SETD2: variants seen among roughly 807,000 people sequenced by gnomAD.
SETD2 encodes the protein histone-lysine N-methyltransferase SETD2.
In SETD2, 31 loss-of-function variants were observed where a neutral mutation model predicts 242.1. The ratio of observed to expected loss-of-function variants is 0.13; its 90% CI spans 0.10 to 0.17. The LOEUF (loss-of-function observed/expected upper bound fraction) is 0.17, where lower values mean the gene tolerates loss of function less well. Ranked by LOEUF, SETD2 falls within the 10% of genes least tolerant of loss-of-function variation. The probability of loss-of-function intolerance (pLI) is 1.00; values close to 1 mark genes in which losing one functional copy is unlikely to be tolerated. For synonymous variants in SETD2, 1,006 were observed against 1,066.5 expected (o/e 0.94, Z 1.11); for missense variants, 2,481 against 3,046.3 (o/e 0.81, Z 4.37).
rs2106657890 is a variant in SETD2, at chr3:47,121,686, T to C, written c.2950A>G (p.Arg984Gly). The change falls in exon 3 of 21, where the codon AGA becomes GGA. Residue 984 changes from arginine (R) to glycine (G), a missense_variant. By Grantham distance (125) the Arg-to-Gly change is moderately radical. Transcript: ENST00000409792. ...RGRPEISLDE[R>G]GEGGHVHTSD... The stretch of plus-strand genomic sequence containing the variant: ...GTATGCACATGTCCTCCTTCTCCTC[T>C]TTCATCTAAAGAGATTTCTGGTCTT... 1.2e-6 allele frequency: 2 copies of C among 1,614,128 alleles called. No individual in the cohort carries two copies. Among genetic ancestry groups the C allele is most frequent in the Non-Finnish European group, 1.7e-6 (2 of 1,179,990 alleles).
In SETD2 at chr3:47,031,709, T is replaced by C. The variant is rs183458171; in HGVS notation, c.7350+5957A>G. ...TTACAACACTGTTTTTTCAAATGTG[T>C]AGGTACAAAGAGTATAAATATCCCT... is the stretch of plus-strand genomic sequence containing the variant. On this transcript the variant is annotated intron_variant, in intron 18 of 20. Coordinates refer to ENST00000409792, the MANE Select transcript of SETD2 (RefSeq NM_014159.7). Among the ~76,000 whole-genome samples the C allele has an allele frequency of 1.3e-4, 20 of 152,322 alleles. 1 individual carries two copies. The highest frequency in any genetic ancestry group is 4.3e-4 in the African/African-American group (18 of 41,572).
At chr3:47,067,252 A>AT in intron 12 of SETD2, 134 bp from the exon 13 acceptor site, 1 of 689,884 alleles carries the variant, frequency 1.4e-6, no homozygotes. Context: ...AATTTGACTT[A>AT]TATCTGGGCT....
In SETD2 at chr3:47,101,484, C is replaced by T. The variant is rs148325978; in HGVS notation, c.4989G>A (p.Thr1663=). Reference sequence around the variant, plus strand: ...CATATCTCTGGAACTGATAGTCAAACGTTAACTCTGAGCCTGAAGGAACCA... The same window carrying T: ...CATATCTCTGGAACTGATAGTCAAATGTTAACTCTGAGCCTGAAGGAACCA... The part of the protein sequence containing the change: ...TKLVPSGSEL[T]FDYQFQRYGK... The change falls in exon 8 of 21, where the codon ACG becomes ACA. Residue 1663 remains threonine, a synonymous_variant. Coordinates refer to ENST00000409792, the MANE Select transcript of SETD2 (RefSeq NM_014159.7). 76 of 1,613,026 alleles carry T rather than the reference C, an allele frequency of 4.7e-5. No homozygotes were observed. Among genetic ancestry groups the T allele is most frequent in the African/African-American group, 3.5e-4 (26 of 74,844 alleles).
At chr3:47,117,139 G>A (rs1444606401) in intron 3 of SETD2, among the ~76,000 whole-genome samples, 1 of 151,698 alleles carries the variant, frequency 6.6e-6, no homozygotes, top group Admixed American at 6.6e-5. Context: ...TGCTGCAATC[G>A]CAGGCATGAT....
chr3:47,150,591 G>A (rs2043961638), intron 1 of SETD2, among the ~76,000 whole-genome samples: 1 of 152,018 alleles, frequency 6.6e-6, no homozygotes, highest in African/African-American at 2.4e-5. Context: ...AACAGAAGAA[G>A]CATAAAAAGT....
At position 47,017,139 on chromosome 3, in the gene SETD2, T is replaced by G. The variant is rs773606468; in HGVS notation, c.7649A>C (p.Lys2550Thr). 1 of 1,614,076 alleles carries G rather than the reference T, an allele frequency of 6.2e-7. No homozygotes were observed. Among genetic ancestry groups the G allele is most frequent in the Non-Finnish European group, 8.5e-7 (1 of 1,180,046 alleles). Residue 2550 changes from lysine to threonine, a missense_variant, in exon 21 of 21, where the codon AAG becomes ACG. Physicochemically the swap from Lys to Thr is moderately conservative, Grantham distance 78. Coordinates refer to ENST00000409792, the MANE Select transcript of SETD2 (RefSeq NM_014159.7). This position sits in a 1 kb window ranked among gnomAD's most constrained non-coding sequence, Gnocchi z 4.8. Reference sequence around the variant, plus strand: ...TTTGGGTTTGTAAACAGCCCCAAACTTCTGCATGTACTTCTTAATGTACTC... The same window carrying G: ...TTTGGGTTTGTAAACAGCCCCAAACGTCTGCATGTACTTCTTAATGTACTC... Reference protein sequence around the residue: ...TKEYIKKYMQKFGAVYKPKED... With the variant: ...TKEYIKKYMQTFGAVYKPKED...
rs377488968 is a variant in SETD2 at position 47,120,696 on chromosome 3, G to A, written c.3940C>T (p.Pro1314Ser). The A allele has an allele frequency of 6.2e-7, 1 of 1,614,126 alleles. No individual in the cohort carries two copies. Among genetic ancestry groups the A allele is most frequent in the Non-Finnish European group, 8.5e-7 (1 of 1,180,014 alleles). The change falls in exon 3 of 21, where the codon CCT (proline) becomes TCT (serine). Residue 1314 changes from proline to serine, a missense_variant. Physicochemically the swap from Pro to Ser is moderately conservative, Grantham distance 74. Transcript: ENST00000409792. ...CGATCATACACAACCCCAGTTCCAGGAGGTCTACCTGATCTTGGATCCCAG... is the reference window on the plus strand; with the variant it reads ...CGATCATACACAACCCCAGTTCCAGAAGGTCTACCTGATCTTGGATCCCAG... ...GYWDPRSGRP[P>S]GTGVVYDRTQ...
intron 18 of SETD2, among the ~76,000 whole-genome samples, chr3:47,021,419 G>T (rs565382480): frequency 3.2e-4 from 49 of 152,276 alleles, no homozygotes; most frequent in African/African-American, 1.1e-3. Flanking sequence ...AAAGCTAAAT[G>T]AACCCAAAGC....
chr3:47,018,680 AAC>A (rs1363229535), intron 19 of SETD2, among the ~76,000 whole-genome samples: 2 of 152,188 alleles, frequency 1.3e-5, no homozygotes, highest in African/African-American at 4.8e-5. Context: ...TATCCCCTCA[AAC>A]ACAGATAGGG....
At chr3:47,074,081 G>A (rs1010434749) in intron 12 of SETD2, among the ~76,000 whole-genome samples, 4 of 152,120 alleles carry the variant, frequency 2.6e-5, no homozygotes, top group Non-Finnish European at 5.9e-5. Context: ...AACCTAAATG[G>A]CTATGAGAAT....
chr3:47,105,630 T>C, intron 6 of SETD2: 1 of 436,148 alleles, frequency 2.3e-6, no homozygotes, highest in Non-Finnish European at 4.5e-6. Flanking sequence ...CTTAATATAT[T>C]TTAGAAATCA....
At chr3:47,052,200 G>T (rs956230379) in intron 15 of SETD2, among the ~76,000 whole-genome samples, 1 of 151,890 alleles carries the variant, frequency 6.6e-6, no homozygotes, top group Non-Finnish European at 1.5e-5. Context: ...ATGAATGTTC[G>T]TTTTTTTGTA....
intron 10 of SETD2, among the ~76,000 whole-genome samples, chr3:47,087,872 G>GGTA (rs1363038430): frequency 1.2e-5 from 1 of 81,944 alleles, no homozygotes; most frequent in African/African-American, 6.1e-5. Context: ...AGGACGCTGA[G>GGTA]GCAGAATTGC....
rs58348800 is a variant in SETD2, at chr3:47,157,045, G to C, written c.71+6809C>G. Reference sequence around the variant, plus strand: ...CACTTTTGGGAAGCCGAAGCAGGAAGATCACTTGGGCTTAGGAGTTTGAGA... The same window carrying C: ...CACTTTTGGGAAGCCGAAGCAGGAACATCACTTGGGCTTAGGAGTTTGAGA... On this transcript the variant is annotated intron_variant, in intron 1 of 20. Coordinates refer to ENST00000409792, the MANE Select transcript of SETD2 (RefSeq NM_014159.7). Among the ~76,000 whole-genome samples, 1,002 of 152,270 alleles carry C rather than the reference G, an allele frequency of 6.6e-3. 7 individuals are homozygous for C. The highest frequency in any genetic ancestry group is 0.021 in the African/African-American group (879 of 41,546).
chr3:47,103,744 G>GCACGCA (rs2042304140), intron 6 of SETD2, among the ~76,000 whole-genome samples: 2 of 151,022 alleles, frequency 1.3e-5, no homozygotes, highest in African/African-American at 4.9e-5. Flanking sequence ...GCACACGCAC[G>GCACGCA]CACACACACA....
rs2042755642 is a variant in SETD2 at position 47,113,944 on chromosome 3, A to G, written c.4647T>C (p.His1549=). The G allele has an allele frequency of 1.2e-6, 2 of 1,613,724 alleles. No individual in the cohort carries two copies. Among genetic ancestry groups the G allele is most frequent in the Non-Finnish European group, 1.7e-6 (2 of 1,179,708 alleles). The part of the protein sequence containing the change: ...CSNRRFQRKQ[H]ADVEVILTEK... The stretch of plus-strand genomic sequence containing the variant: ...CTGTGAGTATGACTTCCACATCTGC[A>G]TGCTGTTTTCTCTGAAACCGTCTAT... The change falls in exon 5 of 21, where the codon CAT becomes CAC. Residue 1549 remains histidine (H), a synonymous_variant. Coordinates refer to ENST00000409792, the MANE Select transcript of SETD2 (RefSeq NM_014159.7).
rs1465890451 is a variant in SETD2 at position 47,063,097 on chromosome 3, T to C, written c.6110-751A>G. 2.6e-5 allele frequency among the ~76,000 whole-genome samples: 4 copies of C among 152,282 alleles called. No homozygotes were observed. The East Asian group carries it at 7.7e-4, about 29-fold the overall frequency. On this transcript the variant is annotated intron_variant, in intron 13 of 20. Transcript: ENST00000409792. ...CAATCCACCTCACGGAACCCACATA[T>C]ACAAAAAGTTGCCCCTCCTTATAGG...
At chr3:47,118,901 AT>A (rs1264358431) in intron 3 of SETD2, among the ~76,000 whole-genome samples, 1 of 152,120 alleles carries the variant, frequency 6.6e-6, no homozygotes, top group African/African-American at 2.4e-5. Flanking sequence ...ACTACTTAAA[AT>A]ATTGAATATT....
At position 47,116,670 on chromosome 3, in the gene SETD2, T is replaced by C. The variant is rs2042864589; in HGVS notation, c.4539A>G (p.Glu1513=). 1.9e-6 allele frequency: 3 copies of C among 1,613,024 alleles called. No individual in the cohort carries two copies. In the African/African-American group the frequency reaches 4.0e-5, roughly 22 times the overall value. ...TAAGACAATCTTCCCCACATGCTAT[T>C]TCACCTTGAGCTCTTTCATCTTTAG... ...PLSKDERAQG[E]IACGEDCLNR... The change falls in exon 4 of 21, where the codon GAA becomes GAG. Residue 1513 remains glutamate (E), a synonymous_variant. Transcript: ENST00000409792.
Sources: gnomAD v4.1 joint callset for allele counts (sites outside exome capture counted in the v4.1 genomes callset) on GRCh38, gnomAD v4.1.1 for gene constraint, Gnocchi (gnomAD v3.1) non-coding constraint, MANE v1.5 for transcripts, NCBI Gene and HGNC (gene_info 2026-07-23, HGNC 2026-07-21) for gene names.